SF3A2: variants seen among roughly 807,000 people sequenced by gnomAD.
The protein encoded by SF3A2 is splicing factor 3a subunit 2, also known as SAP 62.
A neutral mutation model predicts 31.1 loss-of-function variants in SF3A2; 5 were observed. The ratio of observed to expected loss-of-function variants is 0.16; its 90% confidence interval spans 0.08 to 0.34. SF3A2 has a LOEUF of 0.34. Among genes scored for constraint, SF3A2 ranks in the 10% least tolerant of loss-of-function variants. The probability of loss-of-function intolerance (pLI) is 1.00; values close to 1 mark genes in which losing one functional copy is unlikely to be tolerated. For synonymous variants in SF3A2, 365 were observed against 263.7 expected (o/e 1.38, Z -3.72); for missense variants, 577 against 643.9 (o/e 0.90, Z 1.13).
At chr19:2,241,178 C>T (rs115380475) in intron 1 of SF3A2, among the ~76,000 whole-genome samples, 3,001 of 152,212 alleles carry the variant, frequency 0.02, 105 homozygotes, top group African/African-American at 0.069. Flanking sequence ...GTCGTCCTCC[C>T]GGGAGAGGGG....
At chr19:2,243,305 C>T in intron 1 of SF3A2, 77 bp from the exon 2 acceptor site, 1 of 1,270,334 alleles carries the variant, frequency 7.9e-7, no homozygotes, top group South Asian at 1.6e-5. Context: ...GGGCTCCAGC[C>T]CAGCCCGCCC....
At chr19:2,243,682 C>A in intron 2 of SF3A2, 138 bp downstream of exon 2, 2 of 1,027,106 alleles carry the variant, frequency 1.9e-6, no homozygotes, top group Non-Finnish European at 2.6e-6. Flanking sequence ...TCCCCTGTTG[C>A]CCCCGAGCAG....
chr19:2,245,637 G>GC lies in SF3A2; in HGVS notation c.355+85dup. 2.0e-6 allele frequency: 2 copies of GC among 978,688 alleles called. No individual in the cohort carries two copies. 60.6% of individuals were successfully genotyped at this position (978,688 alleles called of 1,614,324 possible). A position where few individuals can be genotyped will look rare whatever the true frequency, so the allele number is the denominator to read the frequency against. ...TTTAGTCTCCAGTGCGGGAGGTGCA[G>GC]CCCTGATAGCCTCCTCCCTGAGCCA... On this transcript the variant is annotated intron_variant, in intron 5 of 8. Coordinates refer to ENST00000221494, the MANE Select transcript of SF3A2 (RefSeq NM_007165.5). This position sits in a 1 kb window ranked among gnomAD's most constrained non-coding sequence, Gnocchi z 4.2.
At chr19:2,244,237 G>A (rs770749101) in intron 2 of SF3A2, among the ~76,000 whole-genome samples, 6 of 150,008 alleles carry the variant, frequency 4.0e-5, no homozygotes, top group Non-Finnish European at 8.8e-5. Flanking sequence ...AGTGACCGGC[G>A]GTGCTGTCCT....
intron 4 of SF3A2, 50 bp downstream of exon 4, chr19:2,244,829 T>C (rs2024918760): frequency 1.3e-6 from 2 of 1,573,688 alleles, no homozygotes; most frequent in Non-Finnish European, 1.7e-6. Context: ...AGCCGTTGGC[T>C]CAAGTCTCTG....
At position 2,245,047 on chromosome 19, in the gene SF3A2, A is replaced by G. The variant is rs2024920384; in HGVS notation, c.245+268A>G. On this transcript the variant is annotated intron_variant, in intron 4 of 8. Transcript: ENST00000221494. This position sits in a 1 kb window ranked among gnomAD's most constrained non-coding sequence, Gnocchi z 4.2. Reference sequence around the variant, plus strand: ...TAAAAATACAAAAATTAGGCCAGGCATGGTGGCACACGTCTGTAATCACAG... The same window carrying G: ...TAAAAATACAAAAATTAGGCCAGGCGTGGTGGCACACGTCTGTAATCACAG... The G allele has an allele frequency of 2.9e-5, 16 of 552,574 alleles. No homozygotes were observed. In the South Asian group the frequency reaches 3.4e-4, roughly 12 times the overall value. 34.2% of individuals were successfully genotyped at this position (552,574 alleles called of 1,614,324 possible). A position where few individuals can be genotyped will look rare whatever the true frequency, so the allele number is the denominator to read the frequency against.
At position 2,245,380 on chromosome 19, in the gene SF3A2, C is replaced by G. The variant is rs2024922944; in HGVS notation, c.246-66C>G. 2.4e-6 allele frequency: 3 copies of G among 1,249,764 alleles called. No homozygotes were observed. The allele number at this position is 1,249,764 out of a possible 1,614,324, so 77.4% of individuals were successfully genotyped here. ...CTCCAAGGTCAGGGGGCTCCTGGCA[C>G]CTGGGCCCATGGCTTTGGTGCCTGT... On this transcript the variant is annotated intron_variant, in intron 4 of 8. Transcript: ENST00000221494. This position sits in a 1 kb window ranked among gnomAD's most constrained non-coding sequence, Gnocchi z 4.2.
Position 2,248,572 on chromosome 19 carries a change from C to G in SF3A2, c.*26C>G. 1 of 771,178 alleles carries G rather than the reference C, an allele frequency of 1.3e-6. No individual in the cohort carries two copies. Among genetic ancestry groups the G allele is most frequent in the Admixed American group, 3.4e-5 (1 of 29,442 alleles). The allele number at this position is 771,178 out of a possible 1,614,324, so 47.8% of individuals were successfully genotyped here. On this transcript the variant is annotated 3_prime_UTR_variant, in exon 9 of 9. Transcript: ENST00000221494. ...GAAGCTGCTCCCTCCCCCAGCAAGC[C>G]CAGCGCCAGGTGCTCTTGCCTTTTC... is the stretch of plus-strand genomic sequence containing the variant.
At chr19:2,239,378 G>C (rs546218001) in intron 1 of SF3A2, among the ~76,000 whole-genome samples, 6 of 148,622 alleles carry the variant, frequency 4.0e-5, no homozygotes, top group Admixed American at 3.3e-4. Context: ...AAAAAAAAGA[G>C]AGAGAAAAAA....
chr19:2,241,590 C>T (rs1347354859), intron 1 of SF3A2, among the ~76,000 whole-genome samples: 1 of 152,224 alleles, frequency 6.6e-6, no homozygotes, highest in Non-Finnish European at 1.5e-5. Context: ...GCTGTTGTGG[C>T]AGCAGGGACT....
At position 2,238,710 on chromosome 19, in the gene SF3A2, A is replaced by G. The variant is rs531203312; in HGVS notation, c.-38+1809A>G. ...ACCTGCTGTTTGTTTTTTCCCCACA[A>G]AGCTCCCACCTCTCACACACCTATC... On this transcript the variant is annotated intron_variant, in intron 1 of 8. Transcript: ENST00000221494. 2.6e-5 allele frequency among the ~76,000 whole-genome samples: 4 copies of G among 152,192 alleles called. No homozygotes were observed. The East Asian group carries it at 7.7e-4, about 29-fold the overall frequency.
chr19:2,244,861 C>G (rs2024919029), intron 4 of SF3A2, 82 bp downstream of exon 4: 1 of 1,364,588 alleles, frequency 7.3e-7, no homozygotes, highest in Admixed American at 1.9e-5. Flanking sequence ...GGCCACTGCT[C>G]CACAGCCGGG....
chr19:2,248,120 C>A lies in SF3A2; in HGVS notation c.969C>A (p.His323Gln). Residue 323 changes from histidine to glutamine, a missense_variant, in exon 9 of 9, where the codon CAC becomes CAA. By Grantham distance (24) the His-to-Gln change is conservative (BLOSUM62 0). Around this residue, in one of 6 missense-constraint regions of SF3A2, gnomAD observed 462 missense variants for 339.1 expected, o/e 1.36. Coordinates refer to ENST00000221494, the MANE Select transcript of SF3A2 (RefSeq NM_007165.5). ...TCCATCCCCCAGCCCCTGGGGTCCA[C>A]CCACCAACCTCTGGGGTCCACCCCC... ...PGVHPPAPGV[H>Q]PPTSGVHPPA... is the part of the protein sequence containing the mutation. 2.3e-6 allele frequency: 3 copies of A among 1,323,538 alleles called. No homozygotes were observed. Among genetic ancestry groups the A allele is most frequent in the Non-Finnish European group, 3.2e-6 (3 of 948,000 alleles). The allele number at this position is 1,323,538 out of a possible 1,614,324, so 82.0% of individuals were successfully genotyped here. A position where few individuals can be genotyped will look rare whatever the true frequency, so the allele number is the denominator to read the frequency against.
rs558059461 is a variant in SF3A2, at chr19:2,248,156, A to G, written c.1005A>G (p.Gly335=). The G allele has an allele frequency of 3.7e-6, 5 of 1,359,018 alleles. No individual in the cohort carries two copies. Among genetic ancestry groups the G allele is most frequent in the Non-Finnish European group, 3.9e-6 (4 of 1,014,100 alleles). The allele number at this position is 1,359,018 out of a possible 1,614,324, so 84.2% of individuals were successfully genotyped here. ...PTSGVHPPAP[G]VHPPAPGVHP... ...CTGGGGTCCACCCCCCAGCTCCTGGAGTCCACCCTCCAGCCCCCGGGGTTC... is the reference window on the plus strand; with the variant it reads ...CTGGGGTCCACCCCCCAGCTCCTGGGGTCCACCCTCCAGCCCCCGGGGTTC... The change falls in exon 9 of 9, where the codon GGA becomes GGG. Residue 335 remains glycine (G), a synonymous_variant. Coordinates refer to ENST00000221494, the MANE Select transcript of SF3A2 (RefSeq NM_007165.5).
At chr19:2,247,052 C>T (rs1443002430) in intron 7 of SF3A2, 30 bp downstream of exon 7, 2 of 1,587,424 alleles carry the variant, frequency 1.3e-6, no homozygotes, top group Non-Finnish European at 1.7e-6. Flanking sequence ...CCCTGGGCCC[C>T]CTTGAGATGT....
rs1599655467 is a variant in SF3A2 at position 2,248,066 on chromosome 19, T to A, written c.915T>A (p.Ala305=). 2.3e-6 allele frequency: 2 copies of A among 866,950 alleles called. No individual in the cohort carries two copies. Among genetic ancestry groups the A allele is most frequent in the Non-Finnish European group, 3.5e-6 (2 of 571,214 alleles). The allele number at this position is 866,950 out of a possible 1,614,324, so 53.7% of individuals were successfully genotyped here. Residue 305 remains alanine (A), a synonymous_variant, in exon 9 of 9, where the codon GCT becomes GCA. Coordinates refer to ENST00000221494, the MANE Select transcript of SF3A2 (RefSeq NM_007165.5). Reference sequence around the variant, plus strand: ...CTGCATCTGGGGTCCATCCCCCAGCTCCTGGCGTCCACCCCCCAGCTCCTG... The same window carrying A: ...CTGCATCTGGGGTCCATCCCCCAGCACCTGGCGTCCACCCCCCAGCTCCTG... ...HPPASGVHPP[A]PGVHPPAPGV...
intron 1 of SF3A2, chr19:2,237,785 C>T (rs1327846644): frequency 2.0e-5 from 3 of 152,148 alleles, no homozygotes; most frequent in Admixed American, 6.5e-5. Flanking sequence ...ATGCCAAAGG[C>T]GACCAGAACA....
Position 2,243,478 on chromosome 19 carries a change from C to T in SF3A2, c.60C>T (p.Ser20=), listed in dbSNP as rs750009471. ...GGAGCGGGGGCGTGGCCTCCTCCTC[C>T]GAGAGCAACCGTGACCGCAGGGAGC... ...KTGSGGVASS[S]ESNRDRRERL... The change falls in exon 2 of 9, where the codon TCC becomes TCT. Residue 20 remains serine (S), a synonymous_variant. Transcript: ENST00000221494. 31 of 1,553,078 alleles carry T rather than the reference C, an allele frequency of 2.0e-5. 1 individual carries two copies. The highest frequency in any genetic ancestry group is 1.1e-4 in the South Asian group (9 of 83,376).
At chr19:2,247,259 G>C (rs2024946295) in intron 7 of SF3A2, 3 of 455,816 alleles carry the variant, frequency 6.6e-6, no homozygotes, top group Non-Finnish European at 1.2e-5. Context: ...CTGAGCGCCA[G>C]GCCTGTGAGG....
Sources: allele counts gnomAD v4.1 joint callset (sites outside exome capture counted in the v4.1 genomes callset), GRCh38; gene constraint gnomAD v4.1.1; regional missense constraint gnomAD v4.1.1; non-coding constraint Gnocchi (gnomAD v3.1); transcripts MANE v1.5; gene names NCBI Gene and HGNC (gene_info 2026-07-23, HGNC 2026-07-21).